STK32B: variants seen among roughly 807,000 people sequenced by gnomAD.
The protein encoded by STK32B is serine/threonine-protein kinase 32B.
STK32B carries 43 observed loss-of-function variants against 52.6 expected under a neutral mutation model. The observed-to-expected ratio is 0.82, with a 90% CI of 0.64 to 1.05. The LOEUF (loss-of-function observed/expected upper bound fraction) is 1.05, where lower values mean the gene tolerates loss of function less well. Ranked by LOEUF, STK32B falls within the 50% of genes least tolerant of loss-of-function variation. The probability of loss-of-function intolerance (pLI) is 0.00; values close to 1 mark genes in which losing one functional copy is unlikely to be tolerated. For missense variants in STK32B, 621 were observed against 534.6 expected (o/e 1.16, Z -1.59); for synonymous variants, 238 against 204.3 (o/e 1.17, Z -1.41).
chr4:5,131,295 G>A (rs10010084), intron 1 of STK32B, among the ~76,000 whole-genome samples: 4 of 152,058 alleles, frequency 2.6e-5, no homozygotes, highest in Non-Finnish European at 5.9e-5. Context: ...ATCAGCTTTC[G>A]TCAGGCAGGC....
intron 3 of STK32B, among the ~76,000 whole-genome samples, chr4:5,200,551 G>A (rs73208968): frequency 0.24 from 35,858 of 152,050 alleles, 5,267 homozygotes; most frequent in Non-Finnish European, 0.34. Context: ...GCGGCAGATG[G>A]GAGGGAGAGC....
At chr4:5,446,135 C>T (rs1715397511) in intron 6 of STK32B, among the ~76,000 whole-genome samples, 1 of 152,228 alleles carries the variant, frequency 6.6e-6, no homozygotes, top group African/African-American at 2.4e-5. Flanking sequence ...TCAGGGCATC[C>T]CATCTGCATT....
intron 11 of STK32B, among the ~76,000 whole-genome samples, chr4:5,486,119 G>C (rs1038164584): frequency 6.6e-6 from 1 of 152,202 alleles, no homozygotes; most frequent in Non-Finnish European, 1.5e-5. Context: ...GAAGCTGTCA[G>C]ACAGGAACAT....
chr4:5,241,912 T>C lies in STK32B; in HGVS notation c.260+73462T>C, dbSNP rs531375203. ...CCCTACAAAGGACATGAACTCATCATTTTTTATGGCTGCATAGTATTCCAT... is the reference window on the plus strand; with the variant it reads ...CCCTACAAAGGACATGAACTCATCACTTTTTATGGCTGCATAGTATTCCAT... On this transcript the variant is annotated intron_variant, in intron 3 of 11. Coordinates refer to ENST00000282908, the MANE Select transcript of STK32B (RefSeq NM_018401.3). Among the ~76,000 whole-genome samples the C allele has an allele frequency of 1.2e-4, 18 of 152,328 alleles. No homozygotes were observed. The South Asian group carries it at 3.7e-3, about 32-fold the overall frequency.
intron 11 of STK32B, among the ~76,000 whole-genome samples, chr4:5,481,935 T>C (rs992280449): frequency 3.3e-5 from 5 of 152,178 alleles, no homozygotes; most frequent in African/African-American, 1.2e-4. Context: ...TTCTGTTCCA[T>C]TGGTCTGTAT....
intron 3 of STK32B, among the ~76,000 whole-genome samples, chr4:5,271,766 T>A (rs58182618): frequency 0.075 from 9,267 of 124,072 alleles, 1,151 homozygotes; most frequent in African/African-American, 0.27. Context: ...CTTTGAAGCA[T>A]TTGTGAATGG....
chr4:5,039,852 C>T, the STK32B span, among the ~76,000 whole-genome samples: 2 of 152,168 alleles, frequency 1.3e-5, no homozygotes, highest in Non-Finnish European at 2.9e-5. Flanking sequence ...CATTGCTGCC[C>T]AAAATGTCAT....
intron 11 of STK32B, among the ~76,000 whole-genome samples, chr4:5,486,363 C>G (rs144862408): frequency 6.6e-6 from 1 of 152,150 alleles, no homozygotes; most frequent in Admixed American, 6.5e-5. Context: ...AGCGAGGCTC[C>G]GTGGGTGTAG....
At chr4:5,429,707 C>A (rs181065554) in intron 6 of STK32B, among the ~76,000 whole-genome samples, 1 of 152,066 alleles carries the variant, frequency 6.6e-6, no homozygotes. Context: ...TTATTATATT[C>A]ATTCTACCTG....
intron 9 of STK32B, among the ~76,000 whole-genome samples, chr4:5,465,585 A>G (rs1717368181): frequency 6.6e-6 from 1 of 152,192 alleles, no homozygotes; most frequent in Non-Finnish European, 1.5e-5. Flanking sequence ...AACGGCCACC[A>G]TGGTCAGGCA....
intron 4 of STK32B, among the ~76,000 whole-genome samples, chr4:5,338,598 A>T (rs918408878): frequency 6.6e-6 from 1 of 152,222 alleles, no homozygotes; most frequent in African/African-American, 2.4e-5. Flanking sequence ...CATTGGTGAG[A>T]TAAATGCCGA....
chr4:5,491,865 G>A (rs529004037), intron 11 of STK32B, among the ~76,000 whole-genome samples: 2 of 152,180 alleles, frequency 1.3e-5, no homozygotes, highest in Admixed American at 6.5e-5. Context: ...TTTTTCTCAG[G>A]TTTGTCAAAG....
intron 3 of STK32B, among the ~76,000 whole-genome samples, chr4:5,216,373 A>C (rs940423870): frequency 3.7e-4 from 56 of 152,278 alleles, no homozygotes; most frequent in African/African-American, 1.3e-3. Flanking sequence ...GCTTACCCTC[A>C]TGGAGCGTAT....
chr4:5,165,615 A>T (rs1003992350), intron 2 of STK32B, among the ~76,000 whole-genome samples: 2 of 152,130 alleles, frequency 1.3e-5, no homozygotes, highest in Non-Finnish European at 2.9e-5. Context: ...CACAAATTCT[A>T]ATTAGTGGGA....
intron 3 of STK32B, among the ~76,000 whole-genome samples, chr4:5,198,398 T>C (rs1721867266): frequency 6.6e-6 from 1 of 152,238 alleles, no homozygotes; most frequent in Admixed American, 6.5e-5. Context: ...TGGTAGCTTA[T>C]ACTTGTTTTA....
At chr4:5,362,721 C>T (rs1046439144) in intron 4 of STK32B, among the ~76,000 whole-genome samples, 2 of 152,168 alleles carry the variant, frequency 1.3e-5, no homozygotes, top group African/African-American at 4.8e-5. Flanking sequence ...CTTCCAGAGG[C>T]ATACCCAAAG....
chr4:5,491,938 A>G (rs938660967), intron 11 of STK32B, among the ~76,000 whole-genome samples: 4 of 152,134 alleles, frequency 2.6e-5, no homozygotes, highest in Non-Finnish European at 5.9e-5. Context: ...ATTGATGTAT[A>G]TCTCTCTTTT....
At chr4:5,341,359 G>T (rs928890240) in intron 4 of STK32B, among the ~76,000 whole-genome samples, 7 of 152,160 alleles carry the variant, frequency 4.6e-5, no homozygotes, top group African/African-American at 1.7e-4. Flanking sequence ...AGCAAAAGTA[G>T]GGTTATGTCC....
At chr4:5,171,485 T>A (rs1719367899) in intron 3 of STK32B, among the ~76,000 whole-genome samples, 1 of 152,230 alleles carries the variant, frequency 6.6e-6, no homozygotes, top group African/African-American at 2.4e-5. Context: ...AATTTTTGTA[T>A]AAGGTACAAG....
Sources: allele counts gnomAD v4.1 joint callset (sites outside exome capture counted in the v4.1 genomes callset), GRCh38; gene constraint gnomAD v4.1.1; transcripts MANE v1.5; gene names NCBI Gene and HGNC (gene_info 2026-07-23, HGNC 2026-07-21).